EPHB1: variants seen among roughly 807,000 people sequenced by gnomAD.
EPHB1 encodes the protein EPH receptor B1.
A neutral mutation model predicts 94.4 loss-of-function variants in EPHB1; 30 were observed. The observed-to-expected ratio is 0.32, with a 90% CI of 0.24 to 0.43. The LOEUF (loss-of-function observed/expected upper bound fraction) is 0.43. Among genes scored for constraint, EPHB1 ranks in the 20% least tolerant of loss-of-function variants. The pLI is 1.00. For missense variants in EPHB1, 1,055 were observed against 1,308.3 expected, an observed-to-expected ratio of 0.81 and a Z score of 2.99; for synonymous variants, 522 against 489.1, an observed-to-expected ratio of 1.07 and a Z score of -0.89.
intron 1 of EPHB1, among the ~76,000 whole-genome samples, chr3:134,890,605 G>A (rs573033402): frequency 6.6e-6 from 1 of 152,264 alleles, no homozygotes; most frequent in South Asian, 2.1e-4. Context: ...GAGCCAGACT[G>A]TTCTTTGGAG....
chr3:134,986,323 C>G (rs991403054), intron 3 of EPHB1, among the ~76,000 whole-genome samples: 1 of 152,198 alleles, frequency 6.6e-6, no homozygotes, highest in South Asian at 2.1e-4. Context: ...TGCTTTGTCT[C>G]TGAGATGGTT....
chr3:135,095,908 G>A (rs972157003), intron 3 of EPHB1, among the ~76,000 whole-genome samples: 1 of 152,174 alleles, frequency 6.6e-6, no homozygotes, highest in Non-Finnish European at 1.5e-5. Flanking sequence ...GGCTCTCCCA[G>A]AGTGGGTTAG....
chr3:135,106,658 G>T (rs1939231689), intron 4 of EPHB1, 55 bp downstream of exon 4: 1 of 1,604,140 alleles, frequency 6.2e-7, no homozygotes, highest in Non-Finnish European at 8.5e-7. Flanking sequence ...GATGGTGCAA[G>T]TGGTGGGTCT....
chr3:134,818,020 A>T (rs768142353), intron 1 of EPHB1, among the ~76,000 whole-genome samples: 26 of 151,628 alleles, frequency 1.7e-4, no homozygotes, highest in Middle Eastern at 3.4e-3. Flanking sequence ...TCCCCGCCCC[A>T]CTCCTGGCTC....
intron 1 of EPHB1, among the ~76,000 whole-genome samples, chr3:134,855,211 A>G (rs959557523): frequency 6.6e-6 from 1 of 152,248 alleles, no homozygotes; most frequent in Non-Finnish European, 1.5e-5. Context: ...AGAATGGGTT[A>G]TAAATATAAA....
chr3:135,160,053 C>G (rs563944273), intron 6 of EPHB1, among the ~76,000 whole-genome samples: 32 of 152,300 alleles, frequency 2.1e-4, no homozygotes, highest in African/African-American at 7.5e-4. Context: ...TGTGCCCCCA[C>G]AATCCCCTGA....
intron 11 of EPHB1, among the ~76,000 whole-genome samples, chr3:135,195,329 T>TTTA (rs1553747052): frequency 0.012 from 1,884 of 151,854 alleles, 33 homozygotes; most frequent in African/African-American, 0.044. Flanking sequence ...CCTGTTTTCT[T>TTTA]TTTATTTATT....
chr3:135,028,553 C>T (rs1476167594), intron 3 of EPHB1, among the ~76,000 whole-genome samples: 3 of 145,320 alleles, frequency 2.1e-5, no homozygotes, highest in Non-Finnish European at 3.0e-5. Flanking sequence ...GATTCTTAAT[C>T]CTGAGTTCTA....
Position 135,005,240 on chromosome 3 carries a change from T to G in EPHB1, c.805+53188T>G, listed in dbSNP as rs371617972. Among the ~76,000 whole-genome samples the G allele has an allele frequency of 1.0e-3, 153 of 152,340 alleles. 3 individuals carry two copies. The South Asian group carries it at 0.03, about 30-fold the overall frequency. ...GCAGTGTGAAGTGTCAGTGTGCCCCTGCTGGGGGGTGCCTCCCAGTTAGGC... is the reference window on the plus strand; with the variant it reads ...GCAGTGTGAAGTGTCAGTGTGCCCCGGCTGGGGGGTGCCTCCCAGTTAGGC... On this transcript the variant is annotated intron_variant, in intron 3 of 15. Coordinates refer to ENST00000398015, the MANE Select transcript of EPHB1 (RefSeq NM_004441.5).
intron 4 of EPHB1, among the ~76,000 whole-genome samples, chr3:135,115,841 A>G (rs1036408342): frequency 1.3e-5 from 2 of 152,232 alleles, no homozygotes; most frequent in African/African-American, 4.8e-5. Context: ...CACAGTGCTC[A>G]ATAAATTGTT....
At chr3:134,906,780 C>A (rs1312640228) in intron 1 of EPHB1, among the ~76,000 whole-genome samples, 1 of 152,208 alleles carries the variant, frequency 6.6e-6, no homozygotes. Flanking sequence ...GGAGAATGTG[C>A]TCCTGGGTTG....
chr3:135,130,017 G>A (rs1236159320), intron 4 of EPHB1, among the ~76,000 whole-genome samples: 1 of 152,176 alleles, frequency 6.6e-6, no homozygotes, highest in Admixed American at 6.5e-5. Flanking sequence ...AACCATTTTG[G>A]ATAGTCAGGA....
chr3:135,021,414 C>G (rs1014841884), intron 3 of EPHB1, among the ~76,000 whole-genome samples: 4 of 151,844 alleles, frequency 2.6e-5, no homozygotes, highest in African/African-American at 9.7e-5. Flanking sequence ...AGGGCCTTCC[C>G]GATGTCTTTG....
chr3:134,949,623 A>G (rs1172254160), intron 2 of EPHB1, among the ~76,000 whole-genome samples: 1 of 152,248 alleles, frequency 6.6e-6, no homozygotes, highest in Non-Finnish European at 1.5e-5. Flanking sequence ...AATAATTAGC[A>G]TAATATTCAA....
chr3:134,866,562 G>A (rs1383721783), intron 1 of EPHB1, among the ~76,000 whole-genome samples: 1 of 152,322 alleles, frequency 6.6e-6, no homozygotes, highest in South Asian at 2.1e-4. Context: ...TGGAGTGGGG[G>A]TATGGGGACA....
intron 3 of EPHB1, among the ~76,000 whole-genome samples, chr3:135,020,808 G>A (rs1290007302): frequency 6.6e-6 from 1 of 152,144 alleles, no homozygotes; most frequent in East Asian, 1.9e-4. Flanking sequence ...GTAATATATG[G>A]ATATAGTCCT....
At chr3:134,980,139 C>T (rs1214332008) in intron 3 of EPHB1, among the ~76,000 whole-genome samples, 2 of 152,200 alleles carry the variant, frequency 1.3e-5, no homozygotes, top group Non-Finnish European at 2.9e-5. Context: ...GAGATGGAAT[C>T]ATCCAGAGAC....
chr3:135,154,129 CCT>C, intron 5 of EPHB1, 21 bp from the exon 6 acceptor site: 1 of 1,613,698 alleles, frequency 6.2e-7, no homozygotes, highest in Non-Finnish European at 8.5e-7. Context: ...GTTCAGCTAC[CCT>C]GTTTCTTTCT....
At chr3:134,927,380 T>C (rs1214639745) in intron 2 of EPHB1, among the ~76,000 whole-genome samples, 1 of 152,192 alleles carries the variant, frequency 6.6e-6, no homozygotes, top group Non-Finnish European at 1.5e-5. Context: ...TGAGCTGGCA[T>C]TCCCTAAAGC....
Sources: gnomAD v4.1 joint callset for allele counts (sites outside exome capture counted in the v4.1 genomes callset) on GRCh38, gnomAD v4.1.1 for gene constraint, MANE v1.5 for transcripts, NCBI Gene and HGNC (gene_info 2026-07-23, HGNC 2026-07-21) for gene names.